The following LMLN variants were observed in gnomAD, a reference collection of about 807,000 sequenced individuals.
LMLN encodes leishmanolysin-like peptidase.
A neutral mutation model predicts 92.3 loss-of-function variants in LMLN; 70 were observed. The observed-to-expected ratio is 0.76, with a 90% CI of 0.63 to 0.92. The LOEUF is 0.92. Among genes scored for constraint, LMLN ranks in the 40% least tolerant of loss-of-function variants. The pLI is 0.00. For missense variants in LMLN, 691 were observed against 814.6 expected (o/e 0.85, Z 1.85); for synonymous variants, 308 against 296.2 (o/e 1.04, Z -0.41).
intron 14 of LMLN, among the ~76,000 whole-genome samples, chr3:198,029,346 A>C (rs1191081324): frequency 6.6e-6 from 1 of 152,142 alleles, no homozygotes; most frequent in Non-Finnish European, 1.5e-5. Context: ...TTTACATGCA[A>C]ATAGTTTGAA....
intron 15 of LMLN, among the ~76,000 whole-genome samples, chr3:198,037,891 A>C (rs907409781): frequency 1.7e-4 from 26 of 152,242 alleles, no homozygotes; most frequent in African/African-American, 6.3e-4. Flanking sequence ...GTAGATATTT[A>C]GAAATAGGGG....
intron 11 of LMLN, among the ~76,000 whole-genome samples, chr3:198,006,788 C>T (rs1339595058): frequency 6.6e-6 from 1 of 152,038 alleles, no homozygotes; most frequent in Non-Finnish European, 1.5e-5. Flanking sequence ...TCTTGGCTCA[C>T]TGTAACCTCT....
chr3:198,001,119 A>G (rs1004281250), intron 11 of LMLN, among the ~76,000 whole-genome samples: 1 of 152,084 alleles, frequency 6.6e-6, no homozygotes, highest in African/African-American at 2.4e-5. Flanking sequence ...CTTCAGACTA[A>G]TGTAGGTGTT....
chr3:198,003,626 A>C (rs35830482), intron 11 of LMLN, among the ~76,000 whole-genome samples: 20,886 of 114,898 alleles, frequency 0.18, 2,791 homozygotes, highest in African/African-American at 0.49. Context: ...AGTAAGTTTG[A>C]CATTATCTAT....
At chr3:197,975,982 T>C in intron 3 of LMLN, 47 bp from the exon 4 acceptor site, 1 of 1,128,922 alleles carries the variant, frequency 8.9e-7, no homozygotes, top group Non-Finnish European at 1.3e-6. Flanking sequence ...ATATAATTTA[T>C]CTCTTCCTTA....
intron 6 of LMLN, among the ~76,000 whole-genome samples, chr3:197,983,323 C>G (rs1365588385): frequency 6.6e-6 from 1 of 152,134 alleles, no homozygotes; most frequent in Non-Finnish European, 1.5e-5. Flanking sequence ...CATGGTGGAA[C>G]TGAATTACTC....
chr3:197,978,944 A>G (rs753927653), intron 5 of LMLN, among the ~76,000 whole-genome samples: 1 of 152,088 alleles, frequency 6.6e-6, no homozygotes, highest in Non-Finnish European at 1.5e-5. Flanking sequence ...AGCCCAGGTC[A>G]CATACCACTG....
At chr3:197,994,760 G>A (rs915711702) in intron 9 of LMLN, 4 of 152,144 alleles carry the variant, frequency 2.6e-5, no homozygotes, top group African/African-American at 9.7e-5. Context: ...AGGATGTGGA[G>A]ATAGTATAAA....
chr3:198,033,939 A>G (rs369382572), intron 14 of LMLN, among the ~76,000 whole-genome samples: 4 of 152,258 alleles, frequency 2.6e-5, no homozygotes, highest in African/African-American at 9.6e-5. Flanking sequence ...CTTAAAACAA[A>G]TGTTCAAAAG....
At chr3:197,994,000 G>T (rs898965819) in intron 9 of LMLN, among the ~76,000 whole-genome samples, 2 of 152,100 alleles carry the variant, frequency 1.3e-5, no homozygotes, top group African/African-American at 4.8e-5. Context: ...TTTAATAAAG[G>T]TGCTAAGAAT....
At chr3:197,974,511 T>G (rs1352929570) in intron 2 of LMLN, 37 bp downstream of exon 2, 8 of 1,073,740 alleles carry the variant, frequency 7.5e-6, no homozygotes, top group Non-Finnish European at 1.1e-5. Flanking sequence ...TTTTCATTAT[T>G]AATCTAAATG....
chr3:197,961,435 T>A, intron 1 of LMLN, among the ~76,000 whole-genome samples: 1 of 152,204 alleles, frequency 6.6e-6, no homozygotes, highest in East Asian at 1.9e-4. Flanking sequence ...ACATGCATAC[T>A]CTTCATAACC....
rs1012228884 is a variant in LMLN at position 198,031,079 on chromosome 3, C to G, written c.1657-4754C>G. Among the ~76,000 whole-genome samples, 1 of 152,166 alleles carries G rather than the reference C, an allele frequency of 6.6e-6. No homozygotes were observed. Among genetic ancestry groups the G allele is most frequent in the Non-Finnish European group, 1.5e-5 (1 of 68,030 alleles). On this transcript the variant is annotated intron_variant, in intron 14 of 15. Transcript: ENST00000330198. This position sits in a 1 kb window ranked among gnomAD's most constrained non-coding sequence, Gnocchi z 4.8. ...GGCCTGAGAATGAAATAGGCATAAGCCCGATGAACAGGAGGAAAACATACA... is the reference window on the plus strand; with the variant it reads ...GGCCTGAGAATGAAATAGGCATAAGGCCGATGAACAGGAGGAAAACATACA...
At chr3:198,036,140 C>A in intron 15 of LMLN, 97 bp downstream of exon 16, 2 of 1,086,496 alleles carry the variant, frequency 1.8e-6, no homozygotes, top group Non-Finnish European at 2.7e-6. Context: ...AGCTCTAAAA[C>A]AAGTTGAGTT....
chr3:198,031,091 G>C lies in LMLN; in HGVS notation c.1657-4742G>C, dbSNP rs1271517457. Among the ~76,000 whole-genome samples the C allele has an allele frequency of 1.3e-5, 2 of 152,196 alleles. No individual in the cohort carries two copies. The highest frequency in any genetic ancestry group is 2.9e-5 in the Non-Finnish European group (2 of 68,044). ...AAATAGGCATAAGCCCGATGAACAGGAGGAAAACATACACATTTATTTAAT... is the reference window on the plus strand; with the variant it reads ...AAATAGGCATAAGCCCGATGAACAGCAGGAAAACATACACATTTATTTAAT... On this transcript the variant is annotated intron_variant, in intron 14 of 15. Transcript: ENST00000330198. This position sits in a 1 kb window ranked among gnomAD's most constrained non-coding sequence, Gnocchi z 4.8.
At chr3:198,000,986 T>C (rs924803672) in intron 11 of LMLN, among the ~76,000 whole-genome samples, 5 of 152,184 alleles carry the variant, frequency 3.3e-5, no homozygotes, top group South Asian at 2.1e-4. Flanking sequence ...ATCCACTACG[T>C]TGGTTTGACA....
At position 197,965,007 on chromosome 3, in the gene LMLN, CAAAAAAAAA is replaced by C. The variant is rs954254964; in HGVS notation, c.219+4576_219+4584del. ...GGGCGACAAGAGCGAAACTCTGTCT[CAAAAAAAAA>C]AAAAAAAAGAAAGAAAGAGACAAGG... On this transcript the variant is annotated intron_variant, in intron 1 of 15. Coordinates refer to ENST00000330198, the Ensembl canonical transcript of LMLN. 4.4e-5 allele frequency among the ~76,000 whole-genome samples: 4 copies of C among 91,068 alleles called. No homozygotes were observed. The South Asian group carries it at 1.4e-3, about 31-fold the overall frequency. 59.7% of individuals were successfully genotyped at this position (91,068 alleles called of 152,430 possible).
Position 197,967,704 on chromosome 3 carries a change from T to A in LMLN, c.220-6673T>A, listed in dbSNP as rs1044273533. ...TGACCTCAAATTCACCAGGGTGGGG[T>A]TTTTTCCCCACCCTAATAACCCTGA... On this transcript the variant is annotated intron_variant, in intron 1 of 15. Coordinates refer to ENST00000330198, the Ensembl canonical transcript of LMLN. 5.3e-5 allele frequency among the ~76,000 whole-genome samples: 8 copies of A among 151,552 alleles called. No homozygotes were observed. In the South Asian group the frequency reaches 1.1e-3, roughly 20 times the overall value.
At chr3:197,966,550 T>G (rs1021486558) in intron 1 of LMLN, among the ~76,000 whole-genome samples, 10 of 152,120 alleles carry the variant, frequency 6.6e-5, no homozygotes, top group Admixed American at 6.6e-4. Flanking sequence ...TAAGAGTTTT[T>G]TTTTTTTTTA....
Sources: allele counts gnomAD v4.1 joint callset (sites outside exome capture counted in the v4.1 genomes callset), GRCh38; gene constraint gnomAD v4.1.1; non-coding constraint Gnocchi (gnomAD v3.1); transcripts MANE v1.5; gene names NCBI Gene and HGNC (gene_info 2026-07-23, HGNC 2026-07-21).